RXRA: variants seen among roughly 807,000 people sequenced by gnomAD.
RXRA encodes retinoic acid receptor RXR-alpha.
Under a neutral mutation model 44.5 loss-of-function variants are expected in RXRA, and 5 were observed. That is an observed-to-expected ratio of 0.11 (90% CI 0.06 to 0.24). The LOEUF is 0.24. Among genes scored for constraint, RXRA ranks in the 10% least tolerant of loss-of-function variants. The pLI, the probability that RXRA is intolerant of heterozygous loss-of-function variation, is 1.00. For synonymous variants in RXRA, 291 were observed against 271.4 expected, an observed-to-expected ratio of 1.07 and a Z score of -0.71; for missense variants, 412 against 646.5, an observed-to-expected ratio of 0.64 and a Z score of 3.93.
At chr9:134,391,183 GC>G (rs1187132681) in intron 1 of RXRA, among the ~76,000 whole-genome samples, 1 of 152,146 alleles carries the variant, frequency 6.6e-6, no homozygotes, top group Admixed American at 6.5e-5. Flanking sequence ...AGCATCCTCT[GC>G]CCTGATCATT....
At chr9:134,408,017 C>T (rs1047469427) in intron 2 of RXRA, 132 bp from the exon 3 acceptor site, 24 of 641,484 alleles carry the variant, frequency 3.7e-5, no homozygotes, top group South Asian at 6.9e-5. Context: ...GTGGGGGGCA[C>T]GGCCCTCTCT....
chr9:134,379,310 A>T, intron 1 of RXRA: 1 of 986,944 alleles, frequency 1.0e-6, no homozygotes, highest in African/African-American at 1.7e-5. Context: ...TGCCCTGTGC[A>T]TGGGGTGGGG....
At chr9:134,400,817 G>A (rs527731055) in intron 1 of RXRA, among the ~76,000 whole-genome samples, 12 of 152,160 alleles carry the variant, frequency 7.9e-5, no homozygotes, top group Non-Finnish European at 1.6e-4. Flanking sequence ...CCAAGGCCTT[G>A]CACAAAGCCA....
intron 1 of RXRA, among the ~76,000 whole-genome samples, chr9:134,352,217 G>A (rs978318297): frequency 8.5e-5 from 13 of 152,136 alleles, no homozygotes; most frequent in Non-Finnish European, 1.9e-4. Flanking sequence ...GAGGAAAGGG[G>A]CAGACTGACT....
At chr9:134,352,912 C>T (rs979349461) in intron 1 of RXRA, among the ~76,000 whole-genome samples, 1 of 152,202 alleles carries the variant, frequency 6.6e-6, no homozygotes, top group Non-Finnish European at 1.5e-5. Flanking sequence ...TGAGGAAGTA[C>T]GTCCTCAGCC....
intron 2 of RXRA, chr9:134,405,459 G>C (rs919596550): frequency 1.3e-5 from 2 of 152,360 alleles, no homozygotes; most frequent in African/African-American, 4.8e-5. Context: ...GCGGGAGCTG[G>C]CTTGGCCCTG....
At chr9:134,362,107 T>C (rs1309507388) in intron 1 of RXRA, among the ~76,000 whole-genome samples, 2 of 152,160 alleles carry the variant, frequency 1.3e-5, no homozygotes, top group Non-Finnish European at 2.9e-5. Context: ...CTGGACTGCC[T>C]GCTGGCTCTG....
intron 1 of RXRA, among the ~76,000 whole-genome samples, chr9:134,352,766 G>T (rs1476807313): frequency 3.3e-5 from 5 of 152,200 alleles, no homozygotes; most frequent in African/African-American, 1.2e-4. Flanking sequence ...CGGCTCGCAT[G>T]CCTGTCTGGG....
At position 134,366,434 on chromosome 9, in the gene RXRA, G is replaced by A. The variant is rs745804466; in HGVS notation, c.29-35198G>A. The stretch of plus-strand genomic sequence containing the variant: ...GGCTGCTCCAGTCTCTTACACCAGC[G>A]CATCTGCAACTCATTACACAGCGGT... On this transcript the variant is annotated intron_variant, in intron 1 of 9. Coordinates refer to ENST00000481739, the MANE Select transcript of RXRA (RefSeq NM_002957.6). This position sits in a 1 kb window ranked among gnomAD's most constrained non-coding sequence, Gnocchi z 5.9. Among the ~76,000 whole-genome samples the A allele has an allele frequency of 9.2e-5, 14 of 152,176 alleles. No homozygotes were observed. The highest frequency in any genetic ancestry group is 1.8e-4 in the Non-Finnish European group (12 of 68,028).
intron 3 of RXRA, 141 bp downstream of exon 3, chr9:134,408,440 GC>G: frequency 1.2e-6 from 1 of 867,954 alleles, no homozygotes; most frequent in Non-Finnish European, 1.7e-6. Flanking sequence ...CCTGGGCCAT[GC>G]CCCACTCCCA....
intron 8 of RXRA, among the ~76,000 whole-genome samples, chr9:134,432,831 G>T (rs1179265571): frequency 6.6e-6 from 1 of 152,226 alleles, no homozygotes; most frequent in Admixed American, 6.5e-5. Flanking sequence ...GGGTGGGCTG[G>T]TGGAGGCAGC....
At chr9:134,403,034 C>T (rs571253083) in intron 2 of RXRA, 1 of 152,424 alleles carries the variant, frequency 6.6e-6, no homozygotes, top group East Asian at 1.9e-4. Flanking sequence ...GCACTAGGCC[C>T]AAGGGATTGC....
intron 6 of RXRA, chr9:134,424,113 G>C: frequency 6.1e-6 from 6 of 980,920 alleles, no homozygotes; most frequent in South Asian, 4.7e-5. Context: ...CTGAGGGCCT[G>C]CGTGGGGTGG....
rs1214984769 is a variant in RXRA, at chr9:134,433,136, G to C, written c.1136-966G>C. On this transcript the variant is annotated intron_variant, in intron 8 of 9. Transcript: ENST00000481739. The surrounding 1 kb of genome is among the most constrained non-coding windows in gnomAD (Gnocchi z 4.2). ...GAGGGACCGGGCCGGGATGGAGATG[G>C]GCATCTTCTTGTGGGGAGAGCTTGT... Among the ~76,000 whole-genome samples the C allele has an allele frequency of 1.3e-5, 2 of 152,072 alleles. No individual in the cohort carries two copies. The highest frequency in any genetic ancestry group is 1.9e-4 in the East Asian group (1 of 5,186).
At chr9:134,360,131 C>G (rs762238862) in intron 1 of RXRA, among the ~76,000 whole-genome samples, 1 of 152,176 alleles carries the variant, frequency 6.6e-6, no homozygotes, top group Non-Finnish European at 1.5e-5. Context: ...TTACCTAAGG[C>G]CCCCGCGATT....
chr9:134,424,215 T>C (rs1588305213), intron 6 of RXRA: 1 of 985,318 alleles, frequency 1.0e-6, no homozygotes, highest in Non-Finnish European at 1.2e-6. Flanking sequence ...AGCTGTCAGG[T>C]GGGGGCTCCC....
At chr9:134,368,064 G>A (rs1488537316) in intron 1 of RXRA, among the ~76,000 whole-genome samples, 2 of 152,254 alleles carry the variant, frequency 1.3e-5, no homozygotes, top group African/African-American at 4.8e-5. Context: ...AGCTTGCAGG[G>A]CCAGGAGCCT....
Position 134,429,095 on chromosome 9 carries a change from G to C in RXRA, c.911-13G>C. 1 of 1,612,792 alleles carries C rather than the reference G, an allele frequency of 6.2e-7. No individual in the cohort carries two copies. The highest frequency in any genetic ancestry group is 1.7e-5 in the Admixed American group (1 of 60,006). On this transcript the variant is annotated splice_polypyrimidine_tract_variant and intron_variant, in intron 6 of 9. Coordinates refer to ENST00000481739, the MANE Select transcript of RXRA (RefSeq NM_002957.6). ...CCTGGAGACAGCTGAGTGACTGTGT[G>C]CCTCCTCCCCAGGCTGGAATGAGCT...
intron 7 of RXRA, among the ~76,000 whole-genome samples, chr9:134,430,767 G>T (rs940729679): frequency 2.0e-5 from 3 of 152,220 alleles, no homozygotes; most frequent in African/African-American, 4.8e-5. Flanking sequence ...CAGATCCTTT[G>T]TCTGGCTGGT....
Sources: allele counts gnomAD v4.1 joint callset (sites outside exome capture counted in the v4.1 genomes callset), GRCh38; gene constraint gnomAD v4.1.1; non-coding constraint Gnocchi (gnomAD v3.1); transcripts MANE v1.5; gene names NCBI Gene and HGNC (gene_info 2026-07-23, HGNC 2026-07-21).